Variants in SUPV3L1 observed in about 807,000 individuals in gnomAD.
The protein encoded by SUPV3L1 is ATP-dependent RNA helicase SUPV3L1, mitochondrial.
In SUPV3L1, 35 loss-of-function variants were observed where a neutral mutation model predicts 70.0. The ratio of observed to expected loss-of-function variants is 0.50; its 90% CI spans 0.38 to 0.66. SUPV3L1 has a LOEUF of 0.66. SUPV3L1 is among the 30% of genes least tolerant of loss of function. The pLI, the probability that SUPV3L1 is intolerant of heterozygous loss-of-function variation, is 0.00. For synonymous variants in SUPV3L1, 364 were observed against 341.9 expected (o/e 1.06, Z -0.71); for missense variants, 777 against 961.5 (o/e 0.81, Z 2.54).
chr10:69,207,706 T>G, intron 13 of SUPV3L1, 87 bp from the exon 14 acceptor site: 1 of 1,442,380 alleles, frequency 6.9e-7, no homozygotes, highest in Non-Finnish European at 9.3e-7. Context: ...CAATGTTTTG[T>G]TTTGCTTTCT....
At chr10:69,183,075 A>G (rs1842111677) in intron 1 of SUPV3L1, among the ~76,000 whole-genome samples, 1 of 152,112 alleles carries the variant, frequency 6.6e-6, no homozygotes, top group Non-Finnish European at 1.5e-5. Context: ...ACCTCACCTT[A>G]GCATGTCAAG....
chr10:69,188,779 G>T (rs867835349), intron 4 of SUPV3L1, among the ~76,000 whole-genome samples: 7 of 152,174 alleles, frequency 4.6e-5, no homozygotes, highest in Non-Finnish European at 8.8e-5. Flanking sequence ...GATTACAGGC[G>T]TGAGCCACCA....
chr10:69,180,663 C>G, intron 1 of SUPV3L1, 101 bp downstream of exon 1: 7 of 1,490,882 alleles, frequency 4.7e-6, no homozygotes, highest in Non-Finnish European at 6.3e-6. Flanking sequence ...TCCGAGGTCC[C>G]ATCGAGTGTT....
chr10:69,199,128 A>C lies in SUPV3L1; in HGVS notation c.1229A>C (p.Lys410Thr), dbSNP rs1465149506. Residue 410 changes from lysine (K) to threonine (T), a missense_variant, in exon 10 of 15, where the codon AAG becomes ACG. Physicochemically the swap from Lys to Thr is moderately conservative, Grantham distance 78. This residue lies in a region of SUPV3L1 where 619 missense variants were observed against 823.3 expected (regional missense o/e 0.75). Coordinates refer to ENST00000359655, the MANE Select transcript of SUPV3L1 (RefSeq NM_003171.5). Reference protein sequence around the residue: ...PPGTKLAQAKKFNDPNDPCKI... With the variant: ...PPGTKLAQAKTFNDPNDPCKI... ...GGGACCAAACTTGCTCAAGCAAAAAAGTTTAATGATCCCAATGACCCATGC... is the reference window on the plus strand; with the variant it reads ...GGGACCAAACTTGCTCAAGCAAAAACGTTTAATGATCCCAATGACCCATGC... 6.2e-7 allele frequency: 1 copy of C among 1,612,110 alleles called. No homozygotes were observed. Among genetic ancestry groups the C allele is most frequent in the Admixed American group, 1.7e-5 (1 of 59,610 alleles).
At position 69,209,014 on chromosome 10, in the gene SUPV3L1, G is replaced by T; in HGVS notation, c.2340G>T (p.Lys780Asn). 1 of 1,548,336 alleles carries T rather than the reference G, an allele frequency of 6.5e-7. No individual in the cohort carries two copies. The highest frequency in any genetic ancestry group is 8.7e-7 in the Non-Finnish European group (1 of 1,148,848). Residue 780 changes from lysine to asparagine, a missense_variant, in exon 15 of 15, where the codon AAG (lysine) becomes AAT (asparagine). Transcript: ENST00000359655. ...GTHPKGTRRK[K>N]KEPDSD ...ATCCAAAAGGGACGAGAAGAAAGAAGAAGGAACCTGATTCGGACTAGTTTT... is the reference window on the plus strand; with the variant it reads ...ATCCAAAAGGGACGAGAAGAAAGAATAAGGAACCTGATTCGGACTAGTTTT...
intron 4 of SUPV3L1, among the ~76,000 whole-genome samples, chr10:69,188,254 C>T (rs1034281616): frequency 2.0e-5 from 3 of 152,206 alleles, no homozygotes; most frequent in Non-Finnish European, 4.4e-5. Flanking sequence ...TCCTTCTATG[C>T]ACCCTTCTCT....
intron 1 of SUPV3L1, among the ~76,000 whole-genome samples, chr10:69,183,283 G>A (rs1481780148): frequency 2.0e-5 from 3 of 152,182 alleles, no homozygotes; most frequent in African/African-American, 7.2e-5. Flanking sequence ...TAAATTGCCA[G>A]CTTCCATCTT....
intron 7 of SUPV3L1, among the ~76,000 whole-genome samples, chr10:69,195,684 A>T (rs1842523542): frequency 6.6e-6 from 1 of 152,208 alleles, no homozygotes; most frequent in South Asian, 2.1e-4. Flanking sequence ...AATTTGCTCC[A>T]TAGAGTTGAA....
rs779409047 is a variant in SUPV3L1, at chr10:69,180,370, G to T, written c.79G>T (p.Ala27Ser). 12 of 1,614,224 alleles carry T rather than the reference G, an allele frequency of 7.4e-6. No homozygotes were observed. Among genetic ancestry groups the T allele is most frequent in the Non-Finnish European group, 1.0e-5 (12 of 1,180,034 alleles). The change falls in exon 1 of 15, where the codon GCC becomes TCC. Residue 27 changes from alanine (A) to serine (S), a missense_variant. Physicochemically the swap from Ala to Ser is moderately conservative, Grantham distance 99 (BLOSUM62 1). Transcript: ENST00000359655. Reference protein sequence around the residue: ...QAGHRAAICSALRPHFGPFPG... With the variant: ...QAGHRAAICSSLRPHFGPFPG... Reference sequence around the variant, plus strand: ...TGGCCACCGGGCAGCCATCTGCTCTGCCCTTCGTCCCCACTTTGGGCCCTT... The same window carrying T: ...TGGCCACCGGGCAGCCATCTGCTCTTCCCTTCGTCCCCACTTTGGGCCCTT...
rs1172717078 is a variant in SUPV3L1, at chr10:69,209,045, C to G, written c.*10C>G. The G allele has an allele frequency of 6.7e-7, 1 of 1,499,482 alleles. No individual in the cohort carries two copies. The highest frequency in any genetic ancestry group is 8.9e-7 in the Non-Finnish European group (1 of 1,123,458). 92.9% of individuals were successfully genotyped at this position (1,499,482 alleles called of 1,614,324 possible). Reference sequence around the variant, plus strand: ...ACCTGATTCGGACTAGTTTTCTGTTCCTGTTTTTTTTTTTTTATTTAATTT... The same window carrying G: ...ACCTGATTCGGACTAGTTTTCTGTTGCTGTTTTTTTTTTTTTATTTAATTT... On this transcript the variant is annotated 3_prime_UTR_variant, in exon 15 of 15. Transcript: ENST00000359655.
At chr10:69,182,139 C>T (rs146719841) in intron 1 of SUPV3L1, among the ~76,000 whole-genome samples, 16 of 151,910 alleles carry the variant, frequency 1.1e-4, no homozygotes, top group Non-Finnish European at 2.2e-4. Context: ...GGAATACAGG[C>T]GTGCATCACC....
At position 69,202,716 on chromosome 10, in the gene SUPV3L1, G is replaced by A. The variant is rs922395083; in HGVS notation, c.1600-151G>A. On this transcript the variant is annotated intron_variant, in intron 12 of 14. Coordinates refer to ENST00000359655, the MANE Select transcript of SUPV3L1 (RefSeq NM_003171.5). ...GGAATTTCCTCTCAGTATTTCAGGT[G>A]GGGAAGGATATGAGGGAGTGATTAA... 8.1e-6 allele frequency: 8 copies of A among 985,622 alleles called. No individual in the cohort carries two copies. The African/African-American group carries it at 9.8e-5, about 12-fold the overall frequency. 61.1% of individuals were successfully genotyped at this position (985,622 alleles called of 1,614,324 possible).
chr10:69,202,922 A>T lies in SUPV3L1; in HGVS notation c.1655A>T (p.Asp552Val), dbSNP rs750104968. The change falls in exon 13 of 15, where the codon GAT becomes GTT. Residue 552 changes from aspartate (D) to valine (V), a missense_variant. Transcript: ENST00000359655. ...GGGCAGTATTTTGTCTGCAATATGG[A>T]TGATTTTAAATTTTCTGCAGAGTTG... ...VDGQYFVCNM[D>V]DFKFSAELIQ... The T allele has an allele frequency of 3.1e-6, 5 of 1,613,984 alleles. No homozygotes were observed. In the South Asian group the frequency reaches 4.4e-5, roughly 14 times the overall value.
chr10:69,209,080 A>C lies in SUPV3L1; in HGVS notation c.*45A>C, dbSNP rs1203288922. 2 of 1,489,222 alleles carry C rather than the reference A, an allele frequency of 1.3e-6. No individual in the cohort carries two copies. Among genetic ancestry groups the C allele is most frequent in the Non-Finnish European group, 1.8e-6 (2 of 1,122,702 alleles). The allele number at this position is 1,489,222 out of a possible 1,614,324, so 92.3% of individuals were successfully genotyped here. A position where few individuals can be genotyped will look rare whatever the true frequency, so the allele number is the denominator to read the frequency against. ...TTTTTTTATTTAATTTTGCAAATAAAAATTTATTTTGAATCCTTTTTCCTC... is the reference window on the plus strand; with the variant it reads ...TTTTTTTATTTAATTTTGCAAATAACAATTTATTTTGAATCCTTTTTCCTC... On this transcript the variant is annotated 3_prime_UTR_variant, in exon 15 of 15. Transcript: ENST00000359655.
chr10:69,189,310 T>G lies in SUPV3L1; in HGVS notation c.616T>G (p.Ser206Ala). 6.2e-7 allele frequency: 1 copy of G among 1,614,122 alleles called. No individual in the cohort carries two copies. Among genetic ancestry groups the G allele is most frequent in the African/African-American group, 1.3e-5 (1 of 75,060 alleles). ...RAMQRKIIFH[S>A]GPTNSGKTYH... is the part of the protein sequence containing the mutation. ...CATGCAGCGGAAGATAATATTTCATTCAGGCCCCACAAACAGTGGAAAGAC... is the reference window on the plus strand; with the variant it reads ...CATGCAGCGGAAGATAATATTTCATGCAGGCCCCACAAACAGTGGAAAGAC... Residue 206 changes from serine (S) to alanine (A), a missense_variant, in exon 5 of 15, where the codon TCA (serine) becomes GCA (alanine). Transcript: ENST00000359655.
intron 5 of SUPV3L1, among the ~76,000 whole-genome samples, chr10:69,190,429 C>CTT (rs67423329): frequency 5.3e-4 from 80 of 149,566 alleles, no homozygotes; most frequent in African/African-American, 1.8e-3. Context: ...TTTGCATTCT[C>CTT]TTTTTTTTTT....
chr10:69,199,037 G>A, intron 9 of SUPV3L1, 67 bp from the exon 10 acceptor site: 1 of 1,238,400 alleles, frequency 8.1e-7, no homozygotes. Flanking sequence ...GGGTTTCCAA[G>A]ATGTACTTAG....
At chr10:69,191,537 T>C in intron 5 of SUPV3L1, 118 bp from the exon 6 acceptor site, 1 of 824,242 alleles carries the variant, frequency 1.2e-6, no homozygotes. Flanking sequence ...GTGGGAACAT[T>C]ATGTTTTAAC....
At chr10:69,191,582 A>C (rs1440779834) in intron 5 of SUPV3L1, 73 bp from the exon 6 acceptor site, 2 of 1,275,040 alleles carry the variant, frequency 1.6e-6, no homozygotes, top group East Asian at 2.3e-5. Context: ...AGTGGAGAGA[A>C]CACCCTGTTA....
Sources: gnomAD v4.1 joint callset for allele counts (sites outside exome capture counted in the v4.1 genomes callset) on GRCh38, gnomAD v4.1.1 for gene constraint, gnomAD v4.1.1 regional missense constraint, MANE v1.5 for transcripts, NCBI Gene and HGNC (gene_info 2026-07-23, HGNC 2026-07-21) for gene names.